RPS6KL1: variants seen among roughly 807,000 people sequenced by gnomAD.
RPS6KL1 encodes the protein ribosomal protein S6 kinase-like 1.
Under a neutral mutation model 57.0 loss-of-function variants are expected in RPS6KL1, and 41 were observed. That is an observed-to-expected ratio of 0.72 (90% CI 0.56 to 0.93). RPS6KL1 has a LOEUF of 0.93. Ranked by LOEUF, RPS6KL1 falls within the 40% of genes least tolerant of loss-of-function variation. The probability of loss-of-function intolerance (pLI) is 0.00; values close to 1 mark genes in which losing one functional copy is unlikely to be tolerated. For synonymous variants in RPS6KL1, 287 were observed against 309.7 expected (o/e 0.93, Z 0.77); for missense variants, 697 against 727.7 (o/e 0.96, Z 0.49).
rs759711347 is a variant in RPS6KL1, at chr14:74,906,292, T to C, written c.*722A>G. On this transcript the variant is annotated 3_prime_UTR_variant, in exon 12 of 12. Coordinates refer to ENST00000557413, the MANE Select transcript of RPS6KL1 (RefSeq NM_031464.5). The stretch of plus-strand genomic sequence containing the variant: ...CTCTTGATTCTGGTTTCAGACTTGC[T>C]CTAAGGGGCAGACCCATGCATTCCT... 9.0e-6 allele frequency: 3 copies of C among 334,740 alleles called. No homozygotes were observed. Among genetic ancestry groups the C allele is most frequent in the Non-Finnish European group, 1.2e-5 (2 of 167,194 alleles). The allele number at this position is 334,740 out of a possible 1,614,324, so 20.7% of individuals were successfully genotyped here. A position where few individuals can be genotyped will look rare whatever the true frequency, so the allele number is the denominator to read the frequency against.
rs867750508 is a variant in RPS6KL1 at position 74,906,410 on chromosome 14, G to C, written c.*604C>G. 2 of 224,904 alleles carry C rather than the reference G, an allele frequency of 8.9e-6. No individual in the cohort carries two copies. The highest frequency in any genetic ancestry group is 1.0e-4 in the African/African-American group (1 of 9,888). 13.9% of individuals were successfully genotyped at this position (224,904 alleles called of 1,614,324 possible). On this transcript the variant is annotated 3_prime_UTR_variant, in exon 12 of 12. Transcript: ENST00000557413. ...GGGGGCATGGTCAGGAATCGGGGGTGGGGGGGTGGGGGTGGGGGTCATCCT... is the reference window on the plus strand; with the variant it reads ...GGGGGCATGGTCAGGAATCGGGGGTCGGGGGGTGGGGGTGGGGGTCATCCT...
intron 11 of RPS6KL1, 36 bp downstream of exon 11, chr14:74,907,399 T>TAGGCAGCTGCTTCCTCTGGCC (rs769391995): frequency 1.3e-6 from 2 of 1,547,856 alleles, no homozygotes; most frequent in African/African-American, 2.7e-5. Context: ...TTCCTCAGGC[T>TAGGCAGCTGCTTCCTCTGGCC]AGGCAGCTGC....
chr14:74,907,251 T>G, intron 11 of RPS6KL1, 127 bp from the exon 12 acceptor site: 1 of 1,381,464 alleles, frequency 7.2e-7, no homozygotes, highest in Non-Finnish European at 9.8e-7. Flanking sequence ...AGAACCCCCA[T>G]TTTACCCTGG....
chr14:74,919,187 T>C (rs1887364300), intron 4 of RPS6KL1, among the ~76,000 whole-genome samples: 2 of 152,172 alleles, frequency 1.3e-5, no homozygotes, highest in African/African-American at 2.4e-5. Flanking sequence ...AAGATGCAGA[T>C]GCTCCCAAGG....
rs146549203 is a variant in RPS6KL1, at chr14:74,910,115, G to A, written c.698C>T (p.Ala233Val). 4.7e-4 allele frequency: 734 copies of A among 1,568,524 alleles called. 8 individuals are homozygous for A. In the African/African-American group the frequency reaches 8.5e-3, roughly 18 times the overall value. ...GTLWSHLLSQ[A>V]HSRHSGLSSG... The stretch of plus-strand genomic sequence containing the variant: ...GCTGAGCCCAGAATGTCGGGAGTGC[G>A]CCTGGGAGAGCAGGTGGGACCAGAG... Residue 233 changes from alanine (A) to valine (V), a missense_variant, in exon 8 of 12, where the codon GCG becomes GTG. Transcript: ENST00000557413.
intron 4 of RPS6KL1, among the ~76,000 whole-genome samples, chr14:74,919,569 A>C (rs1238832602): frequency 1.3e-5 from 2 of 152,226 alleles, no homozygotes; most frequent in African/African-American, 4.8e-5. Context: ...GCAGATGTCT[A>C]TGTGCACACA....
In RPS6KL1 at chr14:74,907,105, G is replaced by A. The variant is rs1259575330; in HGVS notation, c.1559C>T (p.Thr520Ile). The A allele has an allele frequency of 6.2e-6, 10 of 1,612,798 alleles. No homozygotes were observed. Among genetic ancestry groups the A allele is most frequent in the Non-Finnish European group, 7.6e-6 (9 of 1,179,476 alleles). Residue 520 changes from threonine (T) to isoleucine (I), a missense_variant, in exon 12 of 12, where the codon ACC becomes ATC. By Grantham distance (89) the Thr-to-Ile change is moderately conservative (BLOSUM62 -1). Transcript: ENST00000557413. ...LLTELLQFEP[T>I]RRLGMGEGGV... The stretch of plus-strand genomic sequence containing the variant: ...ACCTTCTCCCATGCCCAGGCGCCGG[G>A]TAGGCTCGAACTGCAGCAGCTGCAG...
chr14:74,909,671 G>C lies in RPS6KL1; in HGVS notation c.1142C>G (p.Thr381Ser), dbSNP rs972440109. The C allele has an allele frequency of 1.4e-5, 22 of 1,610,206 alleles. No homozygotes were observed. Among genetic ancestry groups the C allele is most frequent in the Non-Finnish European group, 1.9e-5 (22 of 1,179,914 alleles). The change falls in exon 8 of 12, where the codon ACC becomes AGC. Residue 381 changes from threonine to serine, a missense_variant. By Grantham distance (58) the Thr-to-Ser change is moderately conservative (BLOSUM62 1). Transcript: ENST00000557413. The stretch of plus-strand genomic sequence containing the variant: ...CACCTGCTCCTCTCTCACACTCCAG[G>C]TGGCCCTGCCACAGCCCCGGCCGGC... ...DGAGRGCGRA[T>S]WSVREEQVKQ...
At chr14:74,910,198 T>G (rs377717670) in intron 7 of RPS6KL1, 50 bp from the exon 8 acceptor site, 1 of 1,482,310 alleles carries the variant, frequency 6.7e-7, no homozygotes, top group Non-Finnish European at 8.9e-7. Flanking sequence ...AGAAAAAGAG[T>G]ATGGATGCCA....
Position 74,909,204 on chromosome 14 carries a change from G to A in RPS6KL1, c.1271-14C>T. 1.2e-6 allele frequency: 2 copies of A among 1,610,964 alleles called. No homozygotes were observed. The highest frequency in any genetic ancestry group is 1.7e-6 in the Non-Finnish European group (2 of 1,177,122). On this transcript the variant is annotated splice_polypyrimidine_tract_variant and intron_variant, in intron 8 of 11. Coordinates refer to ENST00000557413, the MANE Select transcript of RPS6KL1 (RefSeq NM_031464.5). ...GCCGGATGTGACCTCCAGTGTGTGG[G>A]AGGAAAAAGGAGGGGACAGATTGAG...
At position 74,919,954 on chromosome 14, in the gene RPS6KL1, T is replaced by A. The variant is rs764166728; in HGVS notation, c.281A>T (p.Glu94Val). ...TTTCAGCTTCACAGCCTCACGTCGC[T>A]CCTTGTTGGGGTCAACTGTGGGAGA... ...LRGIHVDPNK[E>V]RREAVKLKIT... The change falls in exon 4 of 12, where the codon GAG (glutamate) becomes GTG (valine). Residue 94 changes from glutamate (E) to valine (V), a missense_variant. Physicochemically the swap from Glu to Val is moderately radical, Grantham distance 121. Coordinates refer to ENST00000557413, the MANE Select transcript of RPS6KL1 (RefSeq NM_031464.5). 6.2e-7 allele frequency: 1 copy of A among 1,614,126 alleles called. No homozygotes were observed.
At position 74,906,756 on chromosome 14, in the gene RPS6KL1, T is replaced by G; in HGVS notation, c.*258A>C. ...TGAGTCCACATGCTCAACGGGTCTG[T>G]TGACTGATGGGTAGATGGTTCAAGC... On this transcript the variant is annotated 3_prime_UTR_variant, in exon 12 of 12. Coordinates refer to ENST00000557413, the MANE Select transcript of RPS6KL1 (RefSeq NM_031464.5). 3.1e-6 allele frequency: 2 copies of G among 647,958 alleles called. No individual in the cohort carries two copies. The highest frequency in any genetic ancestry group is 2.9e-6 in the Non-Finnish European group (1 of 342,152). 40.1% of individuals were successfully genotyped at this position (647,958 alleles called of 1,614,324 possible). A position where few individuals can be genotyped will look rare whatever the true frequency, so the allele number is the denominator to read the frequency against.
rs751629278 is a variant in RPS6KL1 at position 74,910,000 on chromosome 14, A to G, written c.813T>C (p.Pro271=). ...TPARLPSGHA[P]GQDRIALEPP... ...GCTCCAGGGCGATTCTGTCCTGGCC[A>G]GGGGCATGGCCTGAGGGAAGCCTCG... Residue 271 remains proline (P), a synonymous_variant, in exon 8 of 12, where the codon CCT becomes CCC. Coordinates refer to ENST00000557413, the MANE Select transcript of RPS6KL1 (RefSeq NM_031464.5). The G allele has an allele frequency of 1.9e-6, 3 of 1,613,980 alleles. No homozygotes were observed. The highest frequency in any genetic ancestry group is 2.5e-6 in the Non-Finnish European group (3 of 1,179,932).
At position 74,906,869 on chromosome 14, in the gene RPS6KL1, C is replaced by G. The variant is rs898726751; in HGVS notation, c.*145G>C. 5 of 792,106 alleles carry G rather than the reference C, an allele frequency of 6.3e-6. No individual in the cohort carries two copies. In the African/African-American group the frequency reaches 8.4e-5, roughly 13 times the overall value. 49.1% of individuals were successfully genotyped at this position (792,106 alleles called of 1,614,324 possible). A position where few individuals can be genotyped will look rare whatever the true frequency, so the allele number is the denominator to read the frequency against. ...GGGTGGTGGCCATAATTCTGAGGCC[C>G]CAGTGGGAGCCCAGCAGGACAGACA... On this transcript the variant is annotated 3_prime_UTR_variant, in exon 12 of 12. Coordinates refer to ENST00000557413, the MANE Select transcript of RPS6KL1 (RefSeq NM_031464.5).
rs867659583 is a variant in RPS6KL1 at position 74,909,379 on chromosome 14, C to T, written c.1270+164G>A. ...AGGCCCACAGAGCCCACAGGGTACT[C>T]CCAGGAGCCTCGGCCAACAGACTCC... On this transcript the variant is annotated intron_variant, in intron 8 of 11. Coordinates refer to ENST00000557413, the MANE Select transcript of RPS6KL1 (RefSeq NM_031464.5). 3.4e-5 allele frequency: 36 copies of T among 1,059,440 alleles called. 1 individual carries two copies. In the African/African-American group the frequency reaches 5.1e-4, roughly 15 times the overall value. 65.6% of individuals were successfully genotyped at this position (1,059,440 alleles called of 1,614,324 possible).
rs8005366 is a variant in RPS6KL1 at position 74,915,920 on chromosome 14, G to A, written c.483+2593C>T. Reference sequence around the variant, plus strand: ...CTGTCTCAGAGCCTGGCTCCTGCACGAGGCTCAGCAAATACCCGGTGATGT... The same window carrying A: ...CTGTCTCAGAGCCTGGCTCCTGCACAAGGCTCAGCAAATACCCGGTGATGT... On this transcript the variant is annotated intron_variant, in intron 5 of 11. Coordinates refer to ENST00000557413, the MANE Select transcript of RPS6KL1 (RefSeq NM_031464.5). 8.4e-3 allele frequency among the ~76,000 whole-genome samples: 1,281 copies of A among 152,294 alleles called. 15 individuals carry two copies. Among genetic ancestry groups the A allele is most frequent in the African/African-American group, 0.029 (1,218 of 41,562 alleles).
chr14:74,920,051 C>A, intron 3 of RPS6KL1, 82 bp from the exon 4 acceptor site: 1 of 1,557,126 alleles, frequency 6.4e-7, no homozygotes, highest in South Asian at 1.1e-5. Context: ...TGCCCTCTAC[C>A]CTCCCAAGGA....
Position 74,918,991 on chromosome 14 carries a change from C to A in RPS6KL1, c.391-386G>T, listed in dbSNP as rs912772245. Among the ~76,000 whole-genome samples, 3 of 152,222 alleles carry A rather than the reference C, an allele frequency of 2.0e-5. No individual in the cohort carries two copies. The East Asian group carries it at 5.8e-4, about 29-fold the overall frequency. On this transcript the variant is annotated intron_variant, in intron 4 of 11. Coordinates refer to ENST00000557413, the MANE Select transcript of RPS6KL1 (RefSeq NM_031464.5). ...AGGAGTTTGAGATCAGCCTGGCCAA[C>A]ATGGTGAAACCCTATCTCTACTAAA...
At chr14:74,908,821 AG>A in intron 10 of RPS6KL1, 28 bp downstream of exon 10, 1 of 1,595,224 alleles carries the variant, frequency 6.3e-7, no homozygotes, top group Non-Finnish European at 8.6e-7. Flanking sequence ...GGCACCCACC[AG>A]GGCACTACAC....
Sources: allele counts gnomAD v4.1 joint callset (sites outside exome capture counted in the v4.1 genomes callset), GRCh38; gene constraint gnomAD v4.1.1; transcripts MANE v1.5; gene names NCBI Gene and HGNC (gene_info 2026-07-23, HGNC 2026-07-21).